The following TMOD2 variants were observed in gnomAD, a reference collection of about 807,000 sequenced individuals.
TMOD2 encodes tropomodulin-2.
In TMOD2, 22 loss-of-function variants were observed where a neutral mutation model predicts 39.9. The ratio of observed to expected loss-of-function variants is 0.55; its 90% CI spans 0.39 to 0.79. The LOEUF is 0.79. Ranked by LOEUF, TMOD2 falls within the 30% of genes least tolerant of loss-of-function variation. TMOD2 has a pLI of 0.00. For missense variants in TMOD2, 386 were observed against 413.3 expected (o/e 0.93, Z 0.57); for synonymous variants, 123 against 146.1 (o/e 0.84, Z 1.14).
intron 7 of TMOD2, among the ~76,000 whole-genome samples, chr15:51,794,638 C>T (rs191540832): frequency 4.9e-4 from 75 of 152,298 alleles, no homozygotes; most frequent in African/African-American, 1.7e-3. Context: ...CATTCCACAG[C>T]CTCAGAGATT....
intron 7 of TMOD2, among the ~76,000 whole-genome samples, chr15:51,787,134 C>A (rs2055976157): frequency 6.6e-6 from 1 of 151,818 alleles, no homozygotes; most frequent in Admixed American, 6.5e-5. Context: ...AAATACCGCG[C>A]TTTTTCCACA....
chr15:51,763,417 A>G (rs547588766), intron 1 of TMOD2, among the ~76,000 whole-genome samples: 1 of 152,360 alleles, frequency 6.6e-6, no homozygotes, highest in East Asian at 1.9e-4. Flanking sequence ...AAACTTCTTC[A>G]CACTCAGAGT....
At position 51,806,540 on chromosome 15, in the gene TMOD2, T is replaced by C. The variant is rs753725817; in HGVS notation, c.1021+19T>C. On this transcript the variant is annotated intron_variant, in intron 9 of 9. Coordinates refer to ENST00000249700, the MANE Select transcript of TMOD2 (RefSeq NM_014548.4). The stretch of plus-strand genomic sequence containing the variant: ...GACCTGGGTAATTCAGCCATAATAT[T>C]TGCTGTTAACAATTAGAAGAGCATG... 3.7e-6 allele frequency: 6 copies of C among 1,613,874 alleles called. No individual in the cohort carries two copies. The highest frequency in any genetic ancestry group is 3.3e-4 in the Middle Eastern group (2 of 6,060).
chr15:51,782,963 TTACAATGCAATAGTTAA>T (rs2055941653), intron 7 of TMOD2, 135 bp downstream of exon 7: 1 of 694,304 alleles, frequency 1.4e-6, no homozygotes. Context: ...AAAATTATAG[TTACAATGCAATAGTTAA>T]ACTTCAGAAC....
At chr15:51,794,710 A>G (rs934176116) in intron 7 of TMOD2, among the ~76,000 whole-genome samples, 2 of 152,216 alleles carry the variant, frequency 1.3e-5, no homozygotes, top group African/African-American at 2.4e-5. Flanking sequence ...TGTGTGGTCA[A>G]TGTAGAAAAC....
At chr15:51,786,665 G>C (rs1328264174) in intron 7 of TMOD2, among the ~76,000 whole-genome samples, 1 of 152,202 alleles carries the variant, frequency 6.6e-6, no homozygotes, top group African/African-American at 2.4e-5. Context: ...ATTGAGTTTA[G>C]TTTACTGTGC....
chr15:51,789,054 C>T (rs1022531128), intron 7 of TMOD2, among the ~76,000 whole-genome samples: 1 of 152,186 alleles, frequency 6.6e-6, no homozygotes, highest in African/African-American at 2.4e-5. Context: ...AGTTAAAAGA[C>T]ACAGACTGGC....
intron 1 of TMOD2, among the ~76,000 whole-genome samples, chr15:51,757,715 AACAGGACGGAAG>A (rs2055752178): frequency 1.3e-5 from 2 of 152,212 alleles, no homozygotes; most frequent in Admixed American, 1.3e-4. Context: ...CAGCATTGCT[AACAGGACGGAAG>A]ACAAATGGGA....
chr15:51,785,311 C>T (rs1221487493), intron 7 of TMOD2, among the ~76,000 whole-genome samples: 1 of 148,762 alleles, frequency 6.7e-6, no homozygotes, highest in African/African-American at 2.5e-5. Flanking sequence ...ACTCGGGAGA[C>T]TGAGGCAGGA....
At chr15:51,796,656 T>C (rs2056053300) in intron 7 of TMOD2, among the ~76,000 whole-genome samples, 2 of 152,212 alleles carry the variant, frequency 1.3e-5, no homozygotes, top group Non-Finnish European at 2.9e-5. Context: ...TTAACAGCAA[T>C]AACTAATAAT....
At chr15:51,761,745 A>G (rs1257082331) in intron 1 of TMOD2, among the ~76,000 whole-genome samples, 1 of 152,038 alleles carries the variant, frequency 6.6e-6, no homozygotes, top group African/African-American at 2.4e-5. Context: ...AAAAATTCAA[A>G]TAGAATCTTA....
intron 7 of TMOD2, chr15:51,783,038 G>T (rs1169812323): frequency 3.7e-6 from 2 of 538,178 alleles, no homozygotes. Flanking sequence ...CAGCATTACA[G>T]TTTTCAGAGA....
At chr15:51,802,939 G>T (rs1043881437) in intron 8 of TMOD2, among the ~76,000 whole-genome samples, 2 of 152,104 alleles carry the variant, frequency 1.3e-5, no homozygotes, top group African/African-American at 2.4e-5. Flanking sequence ...TGGGACGCAA[G>T]AGTTCCTCCA....
chr15:51,781,708 A>G (rs573996412), intron 6 of TMOD2, among the ~76,000 whole-genome samples: 1 of 152,296 alleles, frequency 6.6e-6, no homozygotes, highest in Admixed American at 6.5e-5. Context: ...GGAAGCCACA[A>G]TACCTGTTAT....
At position 51,783,774 on chromosome 15, in the gene TMOD2, G is replaced by GATAT. The variant is rs1567241640; in HGVS notation, c.732+949_732+950insTATA. ...AGATAGATAGATAGATAGATAGATA[G>GATAT]ATAGATAGATAGATAGATAAAAGAA... On this transcript the variant is annotated intron_variant, in intron 7 of 9. Coordinates refer to ENST00000249700, the MANE Select transcript of TMOD2 (RefSeq NM_014548.4). 9 of 151,656 alleles carry GATAT rather than the reference G, an allele frequency of 5.9e-5. No homozygotes were observed. The South Asian group carries it at 1.7e-3, about 28-fold the overall frequency. 9.4% of individuals were successfully genotyped at this position (151,656 alleles called of 1,614,324 possible).
chr15:51,774,708 C>T (rs1353791138), intron 4 of TMOD2, among the ~76,000 whole-genome samples: 6 of 152,028 alleles, frequency 3.9e-5, no homozygotes, highest in East Asian at 3.9e-4. Context: ...GAGGCGATGG[C>T]GTCACCTGGT....
In TMOD2 at chr15:51,777,031, G is replaced by A. The variant is rs765022652; in HGVS notation, c.493+13G>A. 2.5e-6 allele frequency: 4 copies of A among 1,611,634 alleles called. No homozygotes were observed. Among genetic ancestry groups the A allele is most frequent in the Non-Finnish European group, 3.4e-6 (4 of 1,178,078 alleles). On this transcript the variant is annotated intron_variant, in intron 5 of 9. Transcript: ENST00000249700. ...GGACCTGTCAGAAGTAAGTTGATGT[G>A]CAATCTGTGGTTTTGTAAAGCTTTG...
In TMOD2 at chr15:51,776,961, A is replaced by T. The variant is rs758236726; in HGVS notation, c.436A>T (p.Asn146Tyr). 6.2e-6 allele frequency: 10 copies of T among 1,613,870 alleles called. No individual in the cohort carries two copies. Among genetic ancestry groups the T allele is most frequent in the Non-Finnish European group, 8.5e-6 (10 of 1,179,888 alleles). Residue 146 changes from asparagine to tyrosine, a missense_variant, in exon 5 of 10, where the codon AAT becomes TAT. Asn to Tyr is a moderately radical substitution (Grantham distance 143, BLOSUM62 -2). Coordinates refer to ENST00000249700, the MANE Select transcript of TMOD2 (RefSeq NM_014548.4). ...AVLGVHNLLN[N>Y]PKFDEETANN... ...CCTTGGAGTACACAATTTGCTCAAC[A>T]ATCCAAAGTTCGATGAAGAAACAGC...
chr15:51,776,817 G>A lies in TMOD2; in HGVS notation c.407-115G>A. 5.0e-6 allele frequency: 4 copies of A among 806,978 alleles called. No individual in the cohort carries two copies. In the South Asian group the frequency reaches 5.8e-5, roughly 12 times the overall value. 50.0% of individuals were successfully genotyped at this position (806,978 alleles called of 1,614,324 possible). On this transcript the variant is annotated intron_variant, in intron 4 of 9. Transcript: ENST00000249700. ...TACCACACACTGTGCAAGGAAAGAGGACTCAGGGACTTATCTTTATGATGT... is the reference window on the plus strand; with the variant it reads ...TACCACACACTGTGCAAGGAAAGAGAACTCAGGGACTTATCTTTATGATGT...
Sources: allele counts gnomAD v4.1 joint callset (sites outside exome capture counted in the v4.1 genomes callset), GRCh38; gene constraint gnomAD v4.1.1; transcripts MANE v1.5; gene names NCBI Gene and HGNC (gene_info 2026-07-23, HGNC 2026-07-21).